Variants in WDPCP observed in about 807,000 individuals in gnomAD.
The protein encoded by WDPCP is WD repeat-containing and planar cell polarity effector protein fritz homolog.
In WDPCP, 71 loss-of-function variants were observed where a neutral mutation model predicts 93.1. The observed-to-expected ratio is 0.76, with a 90% CI of 0.63 to 0.93. The LOEUF is 0.93. Ranked by LOEUF, WDPCP falls within the 40% of genes least tolerant of loss-of-function variation. WDPCP has a pLI of 0.00. For missense variants in WDPCP, 844 were observed against 887.4 expected, an observed-to-expected ratio of 0.95 and a Z score of 0.62; for synonymous variants, 315 against 315.0, an observed-to-expected ratio of 1.00 and a Z score of 0.00.
At chr2:63,814,804 TTC>T (rs1301059452) in intron 1 of WDPCP, among the ~76,000 whole-genome samples, 2 of 152,230 alleles carry the variant, frequency 1.3e-5, no homozygotes, top group Admixed American at 6.5e-5. Flanking sequence ...TCACTGTCTT[TTC>T]TGTTACACCT....
intron 2 of WDPCP, among the ~76,000 whole-genome samples, chr2:63,724,463 C>T (rs1447801728): frequency 6.6e-6 from 1 of 152,110 alleles, no homozygotes; most frequent in African/African-American, 2.4e-5. Flanking sequence ...TTGCGCCTGA[C>T]TTAAATAGTC....
intron 1 of WDPCP, among the ~76,000 whole-genome samples, chr2:63,507,358 C>G (rs1349945790): frequency 6.6e-6 from 1 of 151,938 alleles, no homozygotes; most frequent in Non-Finnish European, 1.5e-5. Context: ...CTTTCAAATT[C>G]TGAAAGAAAA....
At chr2:63,196,327 C>A (rs930593398) in intron 14 of WDPCP, among the ~76,000 whole-genome samples, 9 of 152,154 alleles carry the variant, frequency 5.9e-5, no homozygotes, top group Non-Finnish European at 8.8e-5. Flanking sequence ...AGCATGAGGA[C>A]CATTCTAAAA....
chr2:63,503,657 ATAAT>A (rs1285484994), intron 1 of WDPCP, among the ~76,000 whole-genome samples: 10 of 152,334 alleles, frequency 6.6e-5, no homozygotes, highest in Admixed American at 2.0e-4. Context: ...TGTAACAATG[ATAAT>A]TAATTCTAGA....
At chr2:63,269,794 T>A (rs1014070605) in intron 13 of WDPCP, among the ~76,000 whole-genome samples, 2 of 152,182 alleles carry the variant, frequency 1.3e-5, no homozygotes, top group African/African-American at 4.8e-5. Flanking sequence ...TCAAATCCAT[T>A]GATAATTGAA....
chr2:63,500,527 T>C (rs1701488235), intron 1 of WDPCP, among the ~76,000 whole-genome samples: 1 of 151,852 alleles, frequency 6.6e-6, no homozygotes, highest in Admixed American at 6.6e-5. Flanking sequence ...TGAATTTTAA[T>C]GCAGAGATGA....
intron 2 of WDPCP, among the ~76,000 whole-genome samples, chr2:63,803,575 T>TG (rs1436321148): frequency 1.3e-5 from 2 of 152,214 alleles, no homozygotes; most frequent in African/African-American, 4.8e-5. Flanking sequence ...TCTGGCTTTT[T>TG]GGGGTACTTT....
At chr2:63,184,581 C>T (rs970539827) in intron 14 of WDPCP, among the ~76,000 whole-genome samples, 1 of 151,874 alleles carries the variant, frequency 6.6e-6, no homozygotes, top group African/African-American at 2.4e-5. Flanking sequence ...CTGAGAAGTC[C>T]ACCGTTAGTC....
intron 17 of WDPCP, among the ~76,000 whole-genome samples, chr2:63,142,145 C>G (rs1297847621): frequency 1.3e-5 from 2 of 152,100 alleles, no homozygotes; most frequent in Non-Finnish European, 2.9e-5. Context: ...TAGTTCTGCT[C>G]TCATCTTGGC....
chr2:63,692,123 G>A (rs1668898892), intron 2 of WDPCP, among the ~76,000 whole-genome samples: 1 of 152,102 alleles, frequency 6.6e-6, no homozygotes, highest in Admixed American at 6.5e-5. Context: ...CTTACTGGGA[G>A]TGCCTGATTT....
chr2:63,181,333 T>G (rs1046972730), intron 14 of WDPCP, among the ~76,000 whole-genome samples: 3 of 152,116 alleles, frequency 2.0e-5, no homozygotes, highest in Non-Finnish European at 4.4e-5. Flanking sequence ...TTTCAGGTCT[T>G]ACATTTAAGC....
intron 14 of WDPCP, among the ~76,000 whole-genome samples, chr2:63,231,240 A>C (rs1223575436): frequency 1.3e-5 from 2 of 152,194 alleles, no homozygotes; most frequent in East Asian, 3.8e-4. Context: ...ATGGGCAAAC[A>C]CTGGAGGCAT....
intron 3 of WDPCP, among the ~76,000 whole-genome samples, chr2:63,626,646 G>A (rs1709814054): frequency 6.6e-6 from 1 of 152,194 alleles, no homozygotes; most frequent in Non-Finnish European, 1.5e-5. Flanking sequence ...ATACCAGTTA[G>A]AATGGCAATC....
intron 1 of WDPCP, among the ~76,000 whole-genome samples, chr2:63,527,582 G>A (rs1227803684): frequency 2.6e-5 from 4 of 151,978 alleles, no homozygotes; most frequent in Non-Finnish European, 5.9e-5. Context: ...GTATTCCATG[G>A]TGTATATGTG....
chr2:63,139,412 G>A (rs1670897023), intron 17 of WDPCP, among the ~76,000 whole-genome samples: 1 of 152,186 alleles, frequency 6.6e-6, no homozygotes, highest in Admixed American at 6.5e-5. Context: ...GTTTTCCATA[G>A]TGGCTGTATG....
chr2:63,615,980 A>G (rs1016806135), intron 3 of WDPCP, among the ~76,000 whole-genome samples: 3 of 152,346 alleles, frequency 2.0e-5, no homozygotes, highest in East Asian at 3.9e-4. Flanking sequence ...TTTCCAGAAT[A>G]AAGTTGCTCA....
chr2:63,833,344 T>G, the WDPCP span, among the ~76,000 whole-genome samples: 2 of 152,192 alleles, frequency 1.3e-5, no homozygotes, highest in South Asian at 2.1e-4. Context: ...AGTGAGGAAA[T>G]TAAGGTTCAT....
intron 1 of WDPCP, among the ~76,000 whole-genome samples, chr2:63,513,834 T>C (rs1435008577): frequency 1.3e-5 from 2 of 152,220 alleles, no homozygotes; most frequent in Admixed American, 6.5e-5. Flanking sequence ...AACCTAAGCA[T>C]GAAAATAGAC....
chr2:63,492,209 T>C (rs913118894), intron 2 of WDPCP, among the ~76,000 whole-genome samples: 3 of 151,876 alleles, frequency 2.0e-5, no homozygotes, highest in African/African-American at 7.3e-5. Flanking sequence ...AATACAAGTG[T>C]TACTTCGTAT....
Sources: gnomAD v4.1 joint callset for allele counts (sites outside exome capture counted in the v4.1 genomes callset) on GRCh38, gnomAD v4.1.1 for gene constraint, MANE v1.5 for transcripts, NCBI Gene and HGNC (gene_info 2026-07-23, HGNC 2026-07-21) for gene names.